TPO: variants seen among roughly 807,000 people sequenced by gnomAD.
TPO encodes thyroid microsomal antigen.
TPO carries 78 observed loss-of-function variants against 96.9 expected under a neutral mutation model. The observed-to-expected ratio is 0.81, with a 90% CI of 0.67 to 0.97. TPO has a LOEUF of 0.97. Among genes scored for constraint, TPO ranks in the 50% least tolerant of loss-of-function variants. The pLI is 0.00. For synonymous variants in TPO, 547 were observed against 538.0 expected, an observed-to-expected ratio of 1.02 and a Z score of -0.23; for missense variants, 1,252 against 1,274.8, an observed-to-expected ratio of 0.98 and a Z score of 0.27.
intron 1 of TPO, among the ~76,000 whole-genome samples, chr2:1,390,209 CT>C (rs1661980005): frequency 6.6e-6 from 1 of 152,036 alleles, no homozygotes; most frequent in East Asian, 1.9e-4. Context: ...CAATGTTCCC[CT>C]TCCTGTGTCC....
At chr2:1,523,503 C>CACTGT (rs1675669927) in intron 15 of TPO, among the ~76,000 whole-genome samples, 1 of 68,096 alleles carries the variant, frequency 1.5e-5, no homozygotes, top group Non-Finnish European at 3.1e-5. Flanking sequence ...CAAATCCCCC[C>CACTGT]GACTCTATGC....
In TPO at chr2:1,426,094, T is replaced by C. The variant is rs189088617; in HGVS notation, c.179+2965T>C. Among the ~76,000 whole-genome samples, 276 of 143,454 alleles carry C rather than the reference T, an allele frequency of 1.9e-3. 6 individuals carry two copies. Among genetic ancestry groups the C allele is most frequent in the East Asian group, 1.8e-3 (8 of 4,452 alleles). 94.1% of individuals were successfully genotyped at this position (143,454 alleles called of 152,430 possible). On this transcript the variant is annotated intron_variant, in intron 3 of 16. Coordinates refer to ENST00000329066, the MANE Select transcript of TPO (RefSeq NM_001206744.2). ...AGATGCTGGGATACAGAGATGAGTT[T>C]GATCATTTCATATCCTCAGAAGTCT...
intron 15 of TPO, among the ~76,000 whole-genome samples, chr2:1,537,449 TC>T (rs1680026042): frequency 3.2e-5 from 1 of 31,294 alleles, no homozygotes; most frequent in South Asian, 1.3e-3. Flanking sequence ...CTCCCAAATC[TC>T]CCCACTGTGT....
chr2:1,480,878 C>T (rs1670577904), intron 8 of TPO, among the ~76,000 whole-genome samples: 1 of 70,476 alleles, frequency 1.4e-5, no homozygotes, highest in African/African-American at 4.3e-5. Flanking sequence ...AGGGCCCAAC[C>T]ACAGCCGCCC....
At chr2:1,505,938 T>G (rs1376727512) in intron 14 of TPO, among the ~76,000 whole-genome samples, 1 of 151,656 alleles carries the variant, frequency 6.6e-6, no homozygotes, top group Non-Finnish European at 1.5e-5. Context: ...TGTATACATG[T>G]GCCATGTTGG....
intron 8 of TPO, among the ~76,000 whole-genome samples, chr2:1,480,601 C>T (rs1308591188): frequency 7.0e-6 from 1 of 143,164 alleles, no homozygotes; most frequent in Non-Finnish European, 1.5e-5. Context: ...CACACACACA[C>T]ACACGAGCCA....
At chr2:1,496,235 G>A (rs781219946) in intron 12 of TPO, 38 bp downstream of exon 12, 22 of 1,600,346 alleles carry the variant, frequency 1.4e-5, no homozygotes, top group South Asian at 1.2e-4. Flanking sequence ...GTTACAGCAC[G>A]TGCATCTCAT....
intron 10 of TPO, among the ~76,000 whole-genome samples, chr2:1,493,209 TGG>T (rs3036079): frequency 5.7e-5 from 1 of 17,480 alleles, no homozygotes; most frequent in Non-Finnish European, 1.4e-4. Flanking sequence ...TGTGAGTGGG[TGG>T]GGGGGGGGGT....
In TPO at chr2:1,494,187, A is replaced by G. The variant is rs977904412; in HGVS notation, c.2006+148A>G. 4 of 846,896 alleles carry G rather than the reference A, an allele frequency of 4.7e-6. No individual in the cohort carries two copies. In the African/African-American group the frequency reaches 6.7e-5, roughly 14 times the overall value. 52.5% of individuals were successfully genotyped at this position (846,896 alleles called of 1,614,324 possible). ...CCTGGTCAGGTTGTTTCTCCCACCC[A>G]CAGCTTCTTTAACCTAGAACAGTGT... On this transcript the variant is annotated intron_variant, in intron 11 of 16. Coordinates refer to ENST00000329066, the MANE Select transcript of TPO (RefSeq NM_001206744.2).
At chr2:1,524,664 C>A (rs1239661641) in intron 15 of TPO, among the ~76,000 whole-genome samples, 1 of 133,972 alleles carries the variant, frequency 7.5e-6, no homozygotes, top group African/African-American at 2.8e-5. Context: ...TCAAATCCCC[C>A]CACTGTGGGC....
intron 1 of TPO, among the ~76,000 whole-genome samples, chr2:1,382,862 G>A (rs1661830956): frequency 1.4e-5 from 2 of 146,022 alleles, no homozygotes; most frequent in Non-Finnish European, 3.0e-5. Context: ...ATCTCCTAAT[G>A]CTATCCCTCC....
chr2:1,537,527 G>GTAAGTAA (rs1680076520), intron 15 of TPO, among the ~76,000 whole-genome samples: 1 of 15,314 alleles, frequency 6.5e-5, no homozygotes, highest in Non-Finnish European at 1.1e-4. Flanking sequence ...TGCAACCTCC[G>GTAAGTAA]CCTATCCCCC....
At chr2:1,505,867 T>G (rs1673396056) in intron 14 of TPO, among the ~76,000 whole-genome samples, 1 of 151,266 alleles carries the variant, frequency 6.6e-6, no homozygotes, top group Admixed American at 6.6e-5. Context: ...TTTTTTAGTT[T>G]TATTATTATT....
At position 1,494,030 on chromosome 2, in the gene TPO, A is replaced by G; in HGVS notation, c.1997A>G (p.Asp666Gly). Residue 666 changes from aspartate to glycine, a missense_variant, in exon 11 of 17, where the codon GAC becomes GGC. Transcript: ENST00000329066. ...GGGAAGCAGATGAAGGCTCTGCGGG[A>G]CGGTGACTGGTACGTTCCTATCCAG... ...LIGKQMKALR[D>G]GDWFWWENSH... is the part of the protein sequence containing the mutation. The G allele has an allele frequency of 6.2e-7, 1 of 1,613,990 alleles. No individual in the cohort carries two copies. Among genetic ancestry groups the G allele is most frequent in the Non-Finnish European group, 8.5e-7 (1 of 1,179,944 alleles).
At chr2:1,399,220 A>G (rs1662129669) in intron 1 of TPO, among the ~76,000 whole-genome samples, 1 of 152,242 alleles carries the variant, frequency 6.6e-6, no homozygotes, top group Admixed American at 6.5e-5. Flanking sequence ...CGAGGGAGGC[A>G]GAGCCACGTG....
At chr2:1,445,295 G>T (rs1173946146) in intron 5 of TPO, among the ~76,000 whole-genome samples, 1 of 123,376 alleles carries the variant, frequency 8.1e-6, no homozygotes, top group Non-Finnish European at 1.7e-5. Context: ...CATGTTGGAA[G>T]GGAATGGGCA....
At chr2:1,527,628 C>T (rs924873484) in intron 15 of TPO, among the ~76,000 whole-genome samples, 3 of 148,462 alleles carry the variant, frequency 2.0e-5, no homozygotes, top group African/African-American at 5.0e-5. Context: ...GTCACCCCTA[C>T]TCTCTGCAGA....
intron 15 of TPO, among the ~76,000 whole-genome samples, chr2:1,535,039 C>A (rs79630725): frequency 0.44 from 6,309 of 14,210 alleles, 1,046 homozygotes; most frequent in South Asian, 0.6. Context: ...CAAATCCCCC[C>A]CACTGTGTGC....
At position 1,433,418 on chromosome 2, in the gene TPO, A is replaced by G. The variant is rs767631564; in HGVS notation, c.180-20A>G. The G allele has an allele frequency of 3.8e-5, 61 of 1,613,674 alleles. No homozygotes were observed. The highest frequency in any genetic ancestry group is 4.8e-5 in the Non-Finnish European group (57 of 1,179,794). ...ACCATAGACAAATAATCTATTTTAT[A>G]TCTTCTTTATGTGCCATAGAAACCT... On this transcript the variant is annotated intron_variant, in intron 3 of 16. Coordinates refer to ENST00000329066, the MANE Select transcript of TPO (RefSeq NM_001206744.2).
Sources: gnomAD v4.1 joint callset for allele counts (sites outside exome capture counted in the v4.1 genomes callset) on GRCh38, gnomAD v4.1.1 for gene constraint, MANE v1.5 for transcripts, NCBI Gene and HGNC (gene_info 2026-07-23, HGNC 2026-07-21) for gene names.